AIM2: variants seen among roughly 807,000 people sequenced by gnomAD.
AIM2 encodes interferon-inducible protein AIM2.
In AIM2, 30 loss-of-function variants were observed where a neutral mutation model predicts 27.7. The observed-to-expected ratio is 1.08, with a 90% CI of 0.81 to 1.47. AIM2 has a LOEUF of 1.47. AIM2 is among the 40% of genes most tolerant of loss of function. The pLI, the probability that AIM2 is intolerant of heterozygous loss-of-function variation, is 0.00. For missense variants in AIM2, 358 were observed against 411.3 expected, an observed-to-expected ratio of 0.87 and a Z score of 1.12; for synonymous variants, 141 against 145.3, an observed-to-expected ratio of 0.97 and a Z score of 0.21.
At chr1:159,078,892 C>T (rs1427849412), upstream of AIM2, among the ~76,000 whole-genome samples, 2 of 152,180 alleles carry the variant, frequency 1.3e-5, no homozygotes, top group Non-Finnish European at 2.9e-5. Context: ...AAACTCTCAC[C>T]GTTACTGACA....
At chr1:159,077,778 G>C (rs1413730762), upstream of AIM2, among the ~76,000 whole-genome samples, 1 of 152,104 alleles carries the variant, frequency 6.6e-6, no homozygotes, top group Admixed American at 6.5e-5. Flanking sequence ...CTTGATTCTA[G>C]TCAGCAATTT....
intron 1 of AIM2, among the ~76,000 whole-genome samples, chr1:159,085,262 T>A (rs1027373938): frequency 5.9e-5 from 9 of 152,078 alleles, no homozygotes; most frequent in Admixed American, 5.9e-4. Context: ...AAAATGAGAA[T>A]CTGACTCCTG....
intron 1 of AIM2, among the ~76,000 whole-genome samples, chr1:159,092,762 G>A (rs1288523760): frequency 2.6e-5 from 4 of 152,132 alleles, no homozygotes; most frequent in Non-Finnish European, 5.9e-5. Context: ...ACTGGCTCAC[G>A]CCTGTAATCC....
chr1:159,057,370 G>C, the AIM2 span, among the ~76,000 whole-genome samples: 41 of 152,302 alleles, frequency 2.7e-4, no homozygotes, highest in Non-Finnish European at 5.1e-4. Context: ...CCTCCAACAA[G>C]GAAGAGAAAA....
intron 1 of AIM2, among the ~76,000 whole-genome samples, chr1:159,105,392 A>G (rs1233218483): frequency 6.6e-6 from 1 of 152,130 alleles, no homozygotes. Context: ...TCTTTCTCAT[A>G]GCCTGCAACA....
chr1:159,057,157 T>C, the AIM2 span, among the ~76,000 whole-genome samples: 9 of 152,262 alleles, frequency 5.9e-5, no homozygotes, highest in African/African-American at 1.9e-4. Context: ...GTCAGCACCA[T>C]GGGTGGTAAA....
chr1:159,057,251 C>G, the AIM2 span, among the ~76,000 whole-genome samples: 3 of 149,968 alleles, frequency 2.0e-5, no homozygotes, highest in Admixed American at 2.1e-4. Context: ...CCTTGATTCC[C>G]TAGACCTAAT....
chr1:159,115,149 G>A (rs563579580), intron 1 of AIM2, among the ~76,000 whole-genome samples: 306 of 152,194 alleles, frequency 2.0e-3, no homozygotes, highest in Non-Finnish European at 3.5e-3. Flanking sequence ...CCTCTTCAAG[G>A]AGAACTACAA....
rs1207273970 is a variant in AIM2, at chr1:159,062,507, G to A, written c.*185C>T. ...AATGAATGAGAAACAGATGTTTATT[G>A]TGATCATCTGTTGATATTCTGAATT... On this transcript the variant is annotated 3_prime_UTR_variant, in exon 6 of 6. Coordinates refer to ENST00000368130, the MANE Select transcript of AIM2 (RefSeq NM_004833.3). The A allele has an allele frequency of 1.6e-6, 1 of 609,332 alleles. No individual in the cohort carries two copies. The highest frequency in any genetic ancestry group is 1.9e-5 in the African/African-American group (1 of 53,740). The allele number at this position is 609,332 out of a possible 1,614,324, so 37.7% of individuals were successfully genotyped here.
chr1:159,108,853 T>C (rs1657508686), intron 1 of AIM2, among the ~76,000 whole-genome samples: 1 of 152,128 alleles, frequency 6.6e-6, no homozygotes, highest in Admixed American at 6.5e-5. Flanking sequence ...GAAAGACTTC[T>C]ACAAGGAAAA....
At chr1:159,060,114 T>C (rs1349182878), downstream of AIM2, among the ~76,000 whole-genome samples, 1 of 152,238 alleles carries the variant, frequency 6.6e-6, no homozygotes, top group South Asian at 2.1e-4. Flanking sequence ...GTGGAATTAC[T>C]GGGTCAAATA....
intron 1 of AIM2, among the ~76,000 whole-genome samples, chr1:159,130,800 CCACACACACACACACACA>C (rs10557540): frequency 8.3e-5 from 12 of 145,156 alleles, no homozygotes; most frequent in South Asian, 2.3e-4. Context: ...AGCCTGGTCA[CCACACACACACACACACA>C]CACACACACA....
At chr1:159,056,461 C>A in the AIM2 span, among the ~76,000 whole-genome samples, 2 of 151,898 alleles carry the variant, frequency 1.3e-5, no homozygotes, top group Admixed American at 1.3e-4. Flanking sequence ...TAACTGCTTC[C>A]TGCTGACAGG....
At position 159,073,482 on chromosome 1, in the gene AIM2, C is replaced by T; in HGVS notation, c.18G>A (p.Lys6=). The change falls in exon 2 of 6, where the codon AAG becomes AAA. Residue 6 remains lysine, a synonymous_variant. Coordinates refer to ENST00000368130, the MANE Select transcript of AIM2 (RefSeq NM_004833.3). ...CCAGGCCTGTTAGCAAGAGTATCTC[C>T]TTGTATTTACTCTCCATCTGACAAC... MESKY[K]EILLLTGLDN... is the part of the protein sequence containing the mutation. 6.2e-7 allele frequency: 1 copy of T among 1,613,924 alleles called. No individual in the cohort carries two copies. Among genetic ancestry groups the T allele is most frequent in the Non-Finnish European group, 8.5e-7 (1 of 1,179,884 alleles).
chr1:159,085,758 A>G (rs1249796638), intron 1 of AIM2, among the ~76,000 whole-genome samples: 1 of 152,220 alleles, frequency 6.6e-6, no homozygotes, highest in Non-Finnish European at 1.5e-5. Flanking sequence ...AAGAGTCAAC[A>G]AGGAAGACTT....
At chr1:159,123,359 C>G (rs1194189911) in intron 1 of AIM2, among the ~76,000 whole-genome samples, 1 of 152,176 alleles carries the variant, frequency 6.6e-6, no homozygotes, top group Non-Finnish European at 1.5e-5. Context: ...AGTGCTTCAT[C>G]ATAATTCTGA....
chr1:159,106,334 A>G (rs1657446766), intron 1 of AIM2, among the ~76,000 whole-genome samples: 1 of 152,238 alleles, frequency 6.6e-6, no homozygotes, highest in Non-Finnish European at 1.5e-5. Context: ...TACAGCCAGC[A>G]TCTTCACAGT....
At chr1:159,100,918 T>C (rs1186030165) in intron 1 of AIM2, among the ~76,000 whole-genome samples, 1 of 152,196 alleles carries the variant, frequency 6.6e-6, no homozygotes, top group African/African-American at 2.4e-5. Context: ...TGTCACTGGA[T>C]TTATAGCTAC....
intron 1 of AIM2, among the ~76,000 whole-genome samples, chr1:159,083,716 G>T (rs184580377): frequency 1.1e-3 from 174 of 152,168 alleles, no homozygotes; most frequent in African/African-American, 4.1e-3. Flanking sequence ...ATCCAAATAT[G>T]ACCTATGATA....
Sources: allele counts gnomAD v4.1 joint callset (sites outside exome capture counted in the v4.1 genomes callset), GRCh38; gene constraint gnomAD v4.1.1; transcripts MANE v1.5; gene names NCBI Gene and HGNC (gene_info 2026-07-23, HGNC 2026-07-21).